The following CDKAL1 variants were observed in gnomAD, a reference collection of about 807,000 sequenced individuals.
CDKAL1 encodes threonylcarbamoyladenosine tRNA methylthiotransferase.
A neutral mutation model predicts 68.2 loss-of-function variants in CDKAL1; 32 were observed. The ratio of observed to expected loss-of-function variants is 0.47; its 90% CI spans 0.35 to 0.63. CDKAL1 has a LOEUF of 0.63. Among genes scored for constraint, CDKAL1 ranks in the 30% least tolerant of loss-of-function variants. CDKAL1 has a pLI of 0.00. For synonymous variants in CDKAL1, 234 were observed against 244.3 expected (o/e 0.96, Z 0.39); for missense variants, 606 against 696.7 (o/e 0.87, Z 1.47).
At chr6:21,135,234 T>TA (rs894300161) in intron 13 of CDKAL1, among the ~76,000 whole-genome samples, 8 of 151,582 alleles carry the variant, frequency 5.3e-5, no homozygotes, top group East Asian at 1.9e-4. Context: ...ATTTTTGTCT[T>TA]AAAAAAAAAG....
intron 13 of CDKAL1, among the ~76,000 whole-genome samples, chr6:21,156,880 G>A (rs1047180607): frequency 3.9e-5 from 6 of 152,194 alleles, no homozygotes; most frequent in Non-Finnish European, 8.8e-5. Context: ...AAGTAGGTAG[G>A]AAACAGAACC....
chr6:20,540,882 T>C (rs1763364601), intron 2 of CDKAL1, among the ~76,000 whole-genome samples: 1 of 152,206 alleles, frequency 6.6e-6, no homozygotes, highest in African/African-American at 2.4e-5. Context: ...ATAGACGTAG[T>C]TCATATTTCA....
chr6:20,788,954 GT>G (rs1246817036), intron 8 of CDKAL1, among the ~76,000 whole-genome samples: 1 of 152,128 alleles, frequency 6.6e-6, no homozygotes, highest in Non-Finnish European at 1.5e-5. Context: ...CTCCATAAAT[GT>G]TTGTTAAGTA....
intron 5 of CDKAL1, among the ~76,000 whole-genome samples, chr6:20,736,856 G>A (rs1397789132): frequency 6.6e-6 from 1 of 151,840 alleles, no homozygotes; most frequent in African/African-American, 2.4e-5. Flanking sequence ...TCACCTCCTG[G>A]CTTCTTTTCC....
chr6:20,844,460 G>C (rs1183721313), intron 8 of CDKAL1, among the ~76,000 whole-genome samples: 1 of 152,064 alleles, frequency 6.6e-6, no homozygotes, highest in Non-Finnish European at 1.5e-5. Flanking sequence ...ACATGGCCTT[G>C]AGCAGGCTAC....
At position 20,561,484 on chromosome 6, in the gene CDKAL1, G is replaced by C. The variant is rs1216821107; in HGVS notation, c.286+12779G>C. 6.4e-5 allele frequency among the ~76,000 whole-genome samples: 9 copies of C among 140,814 alleles called. No homozygotes were observed. In the South Asian group the frequency reaches 1.6e-3, roughly 25 times the overall value. 92.4% of individuals were successfully genotyped at this position (140,814 alleles called of 152,430 possible). ...AAAAAAAAAAAAAGAACAGACTGTA[G>C]CCAGCTCTTAATATTAAGCCAGACT... is the stretch of plus-strand genomic sequence containing the variant. On this transcript the variant is annotated intron_variant, in intron 4 of 15. Transcript: ENST00000274695.
chr6:20,949,911 TC>T (rs1414215237), intron 9 of CDKAL1, among the ~76,000 whole-genome samples: 1 of 152,034 alleles, frequency 6.6e-6, no homozygotes, highest in African/African-American at 2.4e-5. Flanking sequence ...TGTCTCAGCC[TC>T]CCAGGTAGCT....
intron 11 of CDKAL1, among the ~76,000 whole-genome samples, chr6:21,014,996 T>C (rs940485689): frequency 1.3e-5 from 2 of 152,204 alleles, no homozygotes; most frequent in African/African-American, 4.8e-5. Flanking sequence ...GTAGTATGTA[T>C]GCAGCAATTG....
At chr6:20,627,773 A>G (rs1421706467) in intron 4 of CDKAL1, among the ~76,000 whole-genome samples, 1 of 152,186 alleles carries the variant, frequency 6.6e-6, no homozygotes, top group African/African-American at 2.4e-5. Context: ...ACACAATTTT[A>G]TAATTTTTAG....
intron 5 of CDKAL1, among the ~76,000 whole-genome samples, chr6:20,733,545 G>A (rs1213592265): frequency 6.6e-6 from 1 of 152,210 alleles, no homozygotes; most frequent in East Asian, 1.9e-4. Context: ...GGCTTGAGTT[G>A]TATAACAAAA....
At position 20,597,387 on chromosome 6, in the gene CDKAL1, C is replaced by G. The variant is rs994492639; in HGVS notation, c.286+48682C>G. Among the ~76,000 whole-genome samples the G allele has an allele frequency of 2.6e-5, 4 of 152,064 alleles. No homozygotes were observed. The South Asian group carries it at 8.3e-4, about 32-fold the overall frequency. On this transcript the variant is annotated intron_variant, in intron 4 of 15. Transcript: ENST00000274695. ...TCACGATCCGCCCACCTCAGCCTCC[C>G]AAAGTGCTGGGATTACAGGCATGAG...
intron 7 of CDKAL1, among the ~76,000 whole-genome samples, chr6:20,762,713 G>T (rs1774523250): frequency 6.6e-6 from 1 of 152,196 alleles, no homozygotes; most frequent in African/African-American, 2.4e-5. Context: ...TAAGGCATTA[G>T]TTCATGTTAA....
chr6:20,979,141 C>T (rs561734906), intron 10 of CDKAL1, among the ~76,000 whole-genome samples: 1 of 152,224 alleles, frequency 6.6e-6, no homozygotes, highest in East Asian at 1.9e-4. Flanking sequence ...TGAGGTTTCC[C>T]TAGCGGCATA....
At chr6:20,768,998 T>C (rs1028290423) in intron 7 of CDKAL1, among the ~76,000 whole-genome samples, 20 of 152,058 alleles carry the variant, frequency 1.3e-4, no homozygotes, top group Non-Finnish European at 1.6e-4. Context: ...GGTAAGCCCC[T>C]GTTCTAGACA....
intron 4 of CDKAL1, among the ~76,000 whole-genome samples, chr6:20,584,852 A>C (rs1279204493): frequency 6.6e-6 from 1 of 152,116 alleles, no homozygotes; most frequent in Non-Finnish European, 1.5e-5. Flanking sequence ...TATTTCATGT[A>C]GACTCTGAGG....
chr6:20,688,372 C>T (rs1770723696), intron 5 of CDKAL1, among the ~76,000 whole-genome samples: 1 of 152,034 alleles, frequency 6.6e-6, no homozygotes, highest in Non-Finnish European at 1.5e-5. Context: ...ATGTATGTTA[C>T]ACCTTTTGTA....
At chr6:20,728,846 C>CT (rs1431504403) in intron 5 of CDKAL1, among the ~76,000 whole-genome samples, 3 of 152,020 alleles carry the variant, frequency 2.0e-5, no homozygotes, top group Non-Finnish European at 4.4e-5. Flanking sequence ...AATGCTTACT[C>CT]TTTTTTCTTT....
intron 5 of CDKAL1, among the ~76,000 whole-genome samples, chr6:20,687,515 CT>C (rs1163414271): frequency 2.0e-5 from 3 of 151,912 alleles, no homozygotes; most frequent in Admixed American, 6.6e-5. Flanking sequence ...TTTTATCAAT[CT>C]TTTTTTCTTT....
intron 4 of CDKAL1, among the ~76,000 whole-genome samples, chr6:20,620,096 T>G (rs1354085270): frequency 1.3e-5 from 2 of 152,210 alleles, no homozygotes; most frequent in East Asian, 3.8e-4. Context: ...CTCAGTCCTA[T>G]TATTAGTTCA....
Sources: allele counts gnomAD v4.1 joint callset (sites outside exome capture counted in the v4.1 genomes callset), GRCh38; gene constraint gnomAD v4.1.1; transcripts MANE v1.5; gene names NCBI Gene and HGNC (gene_info 2026-07-23, HGNC 2026-07-21).